DCC: variants seen among roughly 807,000 people sequenced by gnomAD.
The protein encoded by DCC is netrin receptor DCC.
In DCC, 58 loss-of-function variants were observed where a neutral mutation model predicts 172.5. The observed-to-expected ratio is 0.34, with a 90% CI of 0.27 to 0.42. DCC has a LOEUF of 0.42. Among genes scored for constraint, DCC ranks in the 10% least tolerant of loss-of-function variants. DCC has a pLI of 1.00. For synonymous variants in DCC, 709 were observed against 644.5 expected (o/e 1.10, Z -1.52); for missense variants, 1,740 against 1,791.0 (o/e 0.97, Z 0.51).
chr18:53,090,729 A>AAAAAAAAAT (rs2042994192), intron 7 of DCC, among the ~76,000 whole-genome samples: 1 of 133,464 alleles, frequency 7.5e-6, no homozygotes, highest in African/African-American at 2.8e-5. Context: ...AAAAAAAAAA[A>AAAAAAAAAT]AAAAAGAATG....
chr18:52,402,947 T>C (rs1256536282), intron 1 of DCC, among the ~76,000 whole-genome samples: 2 of 152,144 alleles, frequency 1.3e-5, no homozygotes, highest in Admixed American at 1.3e-4. Context: ...AGTGTTCAAG[T>C]GTGCCTGGAG....
At chr18:52,856,588 T>C (rs936939084) in intron 2 of DCC, among the ~76,000 whole-genome samples, 1 of 123,682 alleles carries the variant, frequency 8.1e-6, no homozygotes, top group Non-Finnish European at 1.6e-5. Flanking sequence ...ATTGCGCCAC[T>C]GCACTCCAGC....
chr18:53,349,075 C>T (rs2057758047), intron 15 of DCC, among the ~76,000 whole-genome samples: 1 of 152,180 alleles, frequency 6.6e-6, no homozygotes, highest in Non-Finnish European at 1.5e-5. Context: ...ATTTTGCAAA[C>T]TTTTATGCTT....
chr18:53,456,404 C>T (rs1172096306), intron 23 of DCC, among the ~76,000 whole-genome samples: 1 of 152,122 alleles, frequency 6.6e-6, no homozygotes, highest in East Asian at 1.9e-4. Context: ...AGGAGACCCT[C>T]CTATTCTAGG....
chr18:52,893,897 T>C (rs906083665), intron 2 of DCC, among the ~76,000 whole-genome samples: 4 of 126,174 alleles, frequency 3.2e-5, no homozygotes, highest in Admixed American at 3.0e-4. Flanking sequence ...ACAAGGCTTA[T>C]AATACAATTT....
chr18:53,035,951 C>T (rs1359120215), intron 5 of DCC, among the ~76,000 whole-genome samples: 1 of 151,948 alleles, frequency 6.6e-6, no homozygotes, highest in Non-Finnish European at 1.5e-5. Context: ...AGTGAATATC[C>T]ATGCTCATTC....
At chr18:53,385,395 A>G (rs1166315769) in intron 15 of DCC, among the ~76,000 whole-genome samples, 1 of 152,220 alleles carries the variant, frequency 6.6e-6, no homozygotes, top group Non-Finnish European at 1.5e-5. Flanking sequence ...CTCTGGATAC[A>G]GACTGAAAAC....
At chr18:52,661,313 C>G (rs2035354665) in intron 1 of DCC, among the ~76,000 whole-genome samples, 1 of 152,082 alleles carries the variant, frequency 6.6e-6, no homozygotes, top group Non-Finnish European at 1.5e-5. Flanking sequence ...CTCCCTGGTC[C>G]CACAGAGCTG....
intron 9 of DCC, among the ~76,000 whole-genome samples, chr18:53,201,213 T>G (rs2055531710): frequency 6.6e-6 from 1 of 152,130 alleles, no homozygotes; most frequent in South Asian, 2.1e-4. Flanking sequence ...TTGAATGTGT[T>G]ACAAGTCACA....
At chr18:52,645,988 A>T (rs916568101) in intron 1 of DCC, among the ~76,000 whole-genome samples, 11 of 152,202 alleles carry the variant, frequency 7.2e-5, no homozygotes, top group Non-Finnish European at 1.6e-4. Flanking sequence ...GCTACAAAGG[A>T]AAAAAGGAAA....
At position 53,005,862 on chromosome 18, in the gene DCC, T is replaced by C. The variant is rs184601913; in HGVS notation, c.986-57443T>C. ...TAATATACTATACCTTTGCTTCGCTTATTTTTTCTCTCTGGTCTTCCCTCA... is the reference window on the plus strand; with the variant it reads ...TAATATACTATACCTTTGCTTCGCTCATTTTTTCTCTCTGGTCTTCCCTCA... On this transcript the variant is annotated intron_variant, in intron 5 of 28. Coordinates refer to ENST00000442544, the MANE Select transcript of DCC (RefSeq NM_005215.4). 1.6e-4 allele frequency among the ~76,000 whole-genome samples: 24 copies of C among 152,344 alleles called. No individual in the cohort carries two copies. In the East Asian group the frequency reaches 4.4e-3, roughly 28 times the overall value.
At chr18:53,141,986 G>T (rs554329981) in intron 7 of DCC, among the ~76,000 whole-genome samples, 1 of 152,270 alleles carries the variant, frequency 6.6e-6, no homozygotes, top group Non-Finnish European at 1.5e-5. Context: ...CCTAGGCTCT[G>T]CCTAAGTGCA....
chr18:53,207,903 C>A, intron 11 of DCC, 86 bp downstream of exon 11: 1 of 1,295,588 alleles, frequency 7.7e-7, no homozygotes, highest in South Asian at 1.2e-5. Context: ...ATCATATATT[C>A]CATTTTCAAG....
chr18:53,123,058 C>T (rs1454883473), intron 7 of DCC, among the ~76,000 whole-genome samples: 1 of 152,008 alleles, frequency 6.6e-6, no homozygotes, highest in Non-Finnish European at 1.5e-5. Context: ...GCATTGCATC[C>T]ACCCTCAAGA....
intron 1 of DCC, among the ~76,000 whole-genome samples, chr18:52,352,655 C>T (rs1984176685): frequency 6.6e-6 from 1 of 152,032 alleles, no homozygotes; most frequent in Non-Finnish European, 1.5e-5. Flanking sequence ...TATAATTGGT[C>T]CTGAGGGTCT....
chr18:52,877,541 T>C (rs2039421502), intron 2 of DCC, among the ~76,000 whole-genome samples: 1 of 152,002 alleles, frequency 6.6e-6, no homozygotes, highest in African/African-American at 2.4e-5. Flanking sequence ...AGACTGTCTC[T>C]ATAAAAAATA....
At chr18:53,215,442 A>G (rs1307593592) in intron 11 of DCC, 106 bp from the exon 12 acceptor site, 20 of 941,900 alleles carry the variant, frequency 2.1e-5, no homozygotes, top group African/African-American at 3.2e-5. Context: ...CCTAATTATC[A>G]TTATAAACTA....
At chr18:52,975,532 C>G (rs886444073) in intron 5 of DCC, among the ~76,000 whole-genome samples, 2 of 152,102 alleles carry the variant, frequency 1.3e-5, no homozygotes, top group Admixed American at 1.3e-4. Flanking sequence ...CTCTGATAGG[C>G]CCCAGTGTGT....
At chr18:52,935,147 A>AG (rs2040363951) in intron 5 of DCC, among the ~76,000 whole-genome samples, 1 of 152,090 alleles carries the variant, frequency 6.6e-6, no homozygotes, top group Non-Finnish European at 1.5e-5. Flanking sequence ...TTGGTAGCAC[A>AG]AATAATCTTA....
Sources: allele counts gnomAD v4.1 joint callset (sites outside exome capture counted in the v4.1 genomes callset), GRCh38; gene constraint gnomAD v4.1.1; transcripts MANE v1.5; gene names NCBI Gene and HGNC (gene_info 2026-07-23, HGNC 2026-07-21).